ZNF99: variants seen among roughly 807,000 people sequenced by gnomAD.
The protein encoded by ZNF99 is zinc finger protein ENSP00000375192.
A neutral mutation model predicts 12.8 loss-of-function variants in ZNF99; 8 were observed. That is an observed-to-expected ratio of 0.62 (90% confidence interval 0.37 to 1.13). ZNF99 has a LOEUF of 1.13. Ranked by LOEUF, ZNF99 falls within the 50% of genes most tolerant of loss-of-function variation. ZNF99 has a pLI of 0.02. For missense variants in ZNF99, 1,007 were observed against 1,006.2 expected, an observed-to-expected ratio of 1.00 and a Z score of -0.01; for synonymous variants, 318 against 319.0, an observed-to-expected ratio of 1.00 and a Z score of 0.03.
chr19:22,771,730 T>C (rs1973273117), intron 1 of ZNF99, among the ~76,000 whole-genome samples: 1 of 141,250 alleles, frequency 7.1e-6, no homozygotes, highest in Non-Finnish European at 1.5e-5. Flanking sequence ...TTTTTTTTTT[T>C]TTTTTGAGAC....
Position 22,757,688 on chromosome 19 carries a change from C to G in ZNF99, c.2221G>C (p.Ala741Pro). ...KPYKCEECGKAFKWSSKLTVH... is the reference protein window; with the variant it reads ...KPYKCEECGKPFKWSSKLTVH... ...GTAAGTTTTGAGGACCACTTAAAAG[C>G]TTTACCACATTCTTCACATTTGTAG... Residue 741 changes from alanine (A) to proline (P), a missense_variant, in exon 4 of 4, where the codon GCT becomes CCT. Coordinates refer to ENST00000596209, the MANE Select transcript of ZNF99 (RefSeq NM_001080409.3). The G allele has an allele frequency of 4.3e-6, 7 of 1,611,938 alleles. No homozygotes were observed. In the African/African-American group the frequency reaches 6.7e-5, roughly 15 times the overall value.
Position 22,756,873 on chromosome 19 carries a change from T to A in ZNF99, c.*441A>T. ...AGCTTTGCCACATTCTTCACATTTG[T>A]AGGGTTTCTCTACAGTATGAATTAC... On this transcript the variant is annotated 3_prime_UTR_variant, in exon 4 of 4. Transcript: ENST00000596209. 1 of 1,611,338 alleles carries A rather than the reference T, an allele frequency of 6.2e-7. No homozygotes were observed. The highest frequency in any genetic ancestry group is 1.1e-5 in the South Asian group (1 of 91,004).
intron 1 of ZNF99, among the ~76,000 whole-genome samples, chr19:22,778,839 T>C (rs1973356062): frequency 6.6e-6 from 1 of 151,924 alleles, no homozygotes; most frequent in African/African-American, 2.4e-5. Context: ...ACCTCGTCTC[T>C]ACTAAAAATA....
At chr19:22,768,469 A>T in intron 2 of ZNF99, 69 bp from the exon 3 acceptor site, 1 of 1,288,302 alleles carries the variant, frequency 7.8e-7, no homozygotes, top group Non-Finnish European at 1.1e-6. Flanking sequence ...ATTAAAGAGA[A>T]TGTAATAGAA....
chr19:22,752,426 C>T lies in ZNF99; in HGVS notation c.*4888G>A, dbSNP rs138785845. On this transcript the variant is annotated 3_prime_UTR_variant, in exon 4 of 4. Coordinates refer to ENST00000596209, the MANE Select transcript of ZNF99 (RefSeq NM_001080409.3). ...TATATATGGCAGAAATATATCTACA[C>T]ACTATGTACCCATAAAAGTTAAGAA... 6.6e-6 allele frequency: 1 copy of T among 151,196 alleles called. No homozygotes were observed. The highest frequency in any genetic ancestry group is 1.9e-4 in the East Asian group (1 of 5,150). The allele number at this position is 151,196 out of a possible 1,614,324, so 9.4% of individuals were successfully genotyped here. A position where few individuals can be genotyped will look rare whatever the true frequency, so the allele number is the denominator to read the frequency against.
intron 1 of ZNF99, among the ~76,000 whole-genome samples, chr19:22,777,143 T>C (rs1599449734): frequency 1.3e-5 from 2 of 152,130 alleles, no homozygotes; most frequent in East Asian, 1.9e-4. Flanking sequence ...CAGAGACCCA[T>C]TTTCAAAAAA....
At position 22,755,277 on chromosome 19, in the gene ZNF99, T is replaced by C; in HGVS notation, c.*2037A>G. On this transcript the variant is annotated 3_prime_UTR_variant, in exon 4 of 4. Coordinates refer to ENST00000596209, the MANE Select transcript of ZNF99 (RefSeq NM_001080409.3). ...ACTGATTAAAAGCATTGCCACATTCTTCACATTTCTAGAGTTTGTCTTCAG... is the reference window on the plus strand; with the variant it reads ...ACTGATTAAAAGCATTGCCACATTCCTCACATTTCTAGAGTTTGTCTTCAG... 3.8e-6 allele frequency: 1 copy of C among 259,948 alleles called. No homozygotes were observed. The highest frequency in any genetic ancestry group is 8.0e-6 in the Non-Finnish European group (1 of 125,606). 16.1% of individuals were successfully genotyped at this position (259,948 alleles called of 1,614,324 possible).
intron 1 of ZNF99, chr19:22,771,235 A>C (rs933327190): frequency 7.0e-6 from 1 of 142,282 alleles, no homozygotes; most frequent in Non-Finnish European, 1.5e-5. Flanking sequence ...CTTGCCTTTA[A>C]AAAGCATTTT....
At position 22,752,363 on chromosome 19, in the gene ZNF99, G is replaced by A. The variant is rs893033160; in HGVS notation, c.*4951C>T. Reference sequence around the variant, plus strand: ...TGAAGAATCCCTCATTTACCCTGACGTGATTATTACATATTTTATGCTGGT... The same window carrying A: ...TGAAGAATCCCTCATTTACCCTGACATGATTATTACATATTTTATGCTGGT... On this transcript the variant is annotated 3_prime_UTR_variant, in exon 4 of 4. Coordinates refer to ENST00000596209, the MANE Select transcript of ZNF99 (RefSeq NM_001080409.3). The A allele has an allele frequency of 6.6e-5, 10 of 151,872 alleles. No individual in the cohort carries two copies. The South Asian group carries it at 1.7e-3, about 25-fold the overall frequency. 9.4% of individuals were successfully genotyped at this position (151,872 alleles called of 1,614,324 possible).
intron 1 of ZNF99, among the ~76,000 whole-genome samples, chr19:22,775,909 C>T (rs377559665): frequency 1.3e-5 from 2 of 152,044 alleles, no homozygotes; most frequent in Non-Finnish European, 2.9e-5. Flanking sequence ...GTAATCTCAG[C>T]TTCTCGGGAG....
At chr19:22,769,111 G>T in intron 2 of ZNF99, 87 bp downstream of exon 2, 2 of 1,403,700 alleles carry the variant, frequency 1.4e-6, no homozygotes, top group Non-Finnish European at 1.9e-6. Flanking sequence ...TTTATGCTAA[G>T]CATAAATCAC....
At chr19:22,768,798 C>T (rs866568314) in intron 2 of ZNF99, among the ~76,000 whole-genome samples, 1 of 151,940 alleles carries the variant, frequency 6.6e-6, no homozygotes, top group Admixed American at 6.6e-5. Flanking sequence ...TTTGAGAGGC[C>T]GAGGCAGGTG....
Position 22,757,435 on chromosome 19 carries a change from G to A in ZNF99, c.2474C>T (p.Ala825Val). The change falls in exon 4 of 4, where the codon GCT (alanine) becomes GTT (valine). Residue 825 changes from alanine (A) to valine (V), a missense_variant. Ala to Val is a moderately conservative substitution (Grantham distance 64, BLOSUM62 0). Coordinates refer to ENST00000596209, the MANE Select transcript of ZNF99 (RefSeq NM_001080409.3). The stretch of plus-strand genomic sequence containing the variant: ...AGTAAGTTTTGAGGACCACTGAAAA[G>A]CTTTACCACATTCTTCACATTTGTA... ...KSYKCEECGK[A>V]FQWSSKLTLH... The A allele has an allele frequency of 6.2e-7, 1 of 1,609,146 alleles. No individual in the cohort carries two copies. The highest frequency in any genetic ancestry group is 8.5e-7 in the Non-Finnish European group (1 of 1,179,376).
intron 1 of ZNF99, among the ~76,000 whole-genome samples, chr19:22,781,904 C>A (rs1362427658): frequency 6.6e-6 from 1 of 151,746 alleles, no homozygotes; most frequent in Non-Finnish European, 1.5e-5. Flanking sequence ...AAAGGAAAAC[C>A]TTTACCTTTA....
Position 22,758,097 on chromosome 19 carries a change from G to A in ZNF99, c.1812C>T (p.His604=), listed in dbSNP as rs59017672. 477,941 of 1,607,280 alleles carry A rather than the reference G, an allele frequency of 0.3. 73,076 individuals carry two copies. The highest frequency in any genetic ancestry group is 0.51 in the African/African-American group (37,584 of 73,782). Residue 604 remains histidine, a synonymous_variant, in exon 4 of 4, where the codon CAC becomes CAT. Transcript: ENST00000596209. The part of the protein sequence containing the change: ...KCEECGKAFN[H]FSALRKHQII... ...TCTGATGTTTTCTAAGGGCTGAGAA[G>A]TGGTTAAAAGCTTTGCCACATTCTT...
rs994197339 is a variant in ZNF99, at chr19:22,753,274, T to C, written c.*4040A>G. 6.6e-6 allele frequency: 1 copy of C among 152,132 alleles called. No homozygotes were observed. Among genetic ancestry groups the C allele is most frequent in the Non-Finnish European group, 1.5e-5 (1 of 67,980 alleles). The allele number at this position is 152,132 out of a possible 1,614,324, so 9.4% of individuals were successfully genotyped here. A position where few individuals can be genotyped will look rare whatever the true frequency, so the allele number is the denominator to read the frequency against. On this transcript the variant is annotated 3_prime_UTR_variant, in exon 4 of 4. Coordinates refer to ENST00000596209, the MANE Select transcript of ZNF99 (RefSeq NM_001080409.3). ...TTTTAAGTTATATGCAAATAACTTA[T>C]CTAAATTTTAGATTGAAATTATTTT...
chr19:22,756,319 A>G lies in ZNF99; in HGVS notation c.*995T>C, dbSNP rs1176402141. On this transcript the variant is annotated 3_prime_UTR_variant, in exon 4 of 4. Coordinates refer to ENST00000596209, the MANE Select transcript of ZNF99 (RefSeq NM_001080409.3). The stretch of plus-strand genomic sequence containing the variant: ...TTTTCCCTCCAGTATGAATTGTTTT[A>G]TGTTGAGTAAGGTGTGAGGACTGGT... The G allele has an allele frequency of 6.4e-7, 1 of 1,562,190 alleles. No homozygotes were observed.
rs1315416287 is a variant in ZNF99 at position 22,769,226 on chromosome 19, T to A, written c.102A>T (p.Leu34Phe). The A allele has an allele frequency of 1.2e-6, 2 of 1,608,980 alleles. No individual in the cohort carries two copies. ...GGAAGACCAGGTTTCTGTAGTTCTCTAACATAACATTCCTATATAAATTCT... is the reference window on the plus strand; with the variant it reads ...GGAAGACCAGGTTTCTGTAGTTCTCAAACATAACATTCCTATATAAATTCT... ...AQQNLYRNVM[L>F]ENYRNLVFLG... Residue 34 changes from leucine (L) to phenylalanine (F), a missense_variant, in exon 2 of 4, where the codon TTA (leucine) becomes TTT (phenylalanine). By Grantham distance (22) the Leu-to-Phe change is conservative. Transcript: ENST00000596209.
At position 22,756,729 on chromosome 19, in the gene ZNF99, T is replaced by C. The variant is rs150654089; in HGVS notation, c.*585A>G. On this transcript the variant is annotated 3_prime_UTR_variant, in exon 4 of 4. Coordinates refer to ENST00000596209, the MANE Select transcript of ZNF99 (RefSeq NM_001080409.3). ...TGTACGGTTTCTCCCCAGTATGAAT[T>C]ATCTTATGTTTCATAAGGGTTGAGG... 7.8e-4 allele frequency: 1,156 copies of C among 1,479,870 alleles called. 212 individuals are homozygous for C. The African/African-American group carries it at 0.016, about 21-fold the overall frequency. 91.7% of individuals were successfully genotyped at this position (1,479,870 alleles called of 1,614,324 possible).
Sources: allele counts gnomAD v4.1 joint callset (sites outside exome capture counted in the v4.1 genomes callset), GRCh38; gene constraint gnomAD v4.1.1; transcripts MANE v1.5; gene names NCBI Gene and HGNC (gene_info 2026-07-23, HGNC 2026-07-21).